The following MRAS variants were observed in gnomAD, a reference collection of about 807,000 sequenced individuals.
MRAS encodes the protein ras-related protein M-Ras.
MRAS carries 4 observed loss-of-function variants against 20.9 expected under a neutral mutation model. That is an observed-to-expected ratio of 0.19 (90% CI 0.09 to 0.44). The LOEUF (loss-of-function observed/expected upper bound fraction) is 0.44, where lower values mean the gene tolerates loss of function less well. MRAS is among the 20% of genes least tolerant of loss of function. The pLI is 0.99. For missense variants in MRAS, 154 were observed against 277.5 expected, an observed-to-expected ratio of 0.56 and a Z score of 3.16; for synonymous variants, 98 against 102.9, an observed-to-expected ratio of 0.95 and a Z score of 0.29.
chr3:138,350,599 T>G (rs763512417), intron 1 of MRAS, among the ~76,000 whole-genome samples: 2 of 152,204 alleles, frequency 1.3e-5, no homozygotes, highest in Non-Finnish European at 2.9e-5. Flanking sequence ...TCCAGCGTTG[T>G]CAGCTTCGCT....
chr3:138,370,699 G>A (rs1288231659), intron 1 of MRAS, among the ~76,000 whole-genome samples: 1 of 152,176 alleles, frequency 6.6e-6, no homozygotes, highest in African/African-American at 2.4e-5. Flanking sequence ...ACATTTTCAG[G>A]TGGCTTGAAC....
chr3:138,375,940 A>T (rs752502316), intron 2 of MRAS, among the ~76,000 whole-genome samples: 2 of 152,136 alleles, frequency 1.3e-5, no homozygotes, highest in Non-Finnish European at 2.9e-5. Flanking sequence ...GTGAGCCGAG[A>T]CTGCGCCACC....
intron 2 of MRAS, among the ~76,000 whole-genome samples, chr3:138,380,511 G>T (rs944884349): frequency 5.8e-5 from 8 of 136,836 alleles, no homozygotes; most frequent in South Asian, 2.3e-4. Flanking sequence ...TGGGGTTTCC[G>T]TGTTGGCCAG....
chr3:138,393,593 T>C (rs972074725), intron 2 of MRAS, among the ~76,000 whole-genome samples: 2 of 152,216 alleles, frequency 1.3e-5, no homozygotes, highest in African/African-American at 4.8e-5. Flanking sequence ...AATGATCATA[T>C]TTTAAAATAT....
intron 1 of MRAS, among the ~76,000 whole-genome samples, chr3:138,358,164 A>G (rs1308111996): frequency 1.3e-5 from 2 of 152,056 alleles, no homozygotes; most frequent in African/African-American, 2.4e-5. Context: ...GTGAAACCCC[A>G]TCTCTACTAA....
At chr3:138,375,164 G>C (rs1221293691) in intron 2 of MRAS, among the ~76,000 whole-genome samples, 2 of 152,160 alleles carry the variant, frequency 1.3e-5, no homozygotes, top group African/African-American at 4.8e-5. Context: ...TGGGATTACA[G>C]GTGTGAGCCA....
At chr3:138,352,719 G>A (rs1263471906) in intron 1 of MRAS, among the ~76,000 whole-genome samples, 2 of 152,026 alleles carry the variant, frequency 1.3e-5, no homozygotes, top group African/African-American at 2.4e-5. Flanking sequence ...TTACATATGG[G>A]TTGTAGTGCT....
At chr3:138,374,052 G>T (rs575749948) in intron 2 of MRAS, among the ~76,000 whole-genome samples, 2 of 151,982 alleles carry the variant, frequency 1.3e-5, no homozygotes, top group South Asian at 4.2e-4. Context: ...TCCGCCTCTC[G>T]GGTTCAAGCA....
At chr3:138,387,799 C>T (rs75763088) in intron 2 of MRAS, among the ~76,000 whole-genome samples, 5,062 of 152,240 alleles carry the variant, frequency 0.033, 264 homozygotes, top group African/African-American at 0.11. Flanking sequence ...GAACCATAGA[C>T]CATATCCCCA....
chr3:138,354,141 AAG>A (rs1386419202), intron 1 of MRAS, among the ~76,000 whole-genome samples: 2 of 152,222 alleles, frequency 1.3e-5, no homozygotes, highest in African/African-American at 2.4e-5. Flanking sequence ...CTGGCTGGCA[AAG>A]AGAGGCAGCG....
intron 1 of MRAS, among the ~76,000 whole-genome samples, chr3:138,364,343 CT>C (rs1439977435): frequency 6.6e-6 from 1 of 152,220 alleles, no homozygotes; most frequent in Non-Finnish European, 1.5e-5. Flanking sequence ...ATGGTAACAA[CT>C]TGATTTTTGT....
intron 2 of MRAS, among the ~76,000 whole-genome samples, chr3:138,378,155 AG>A (rs1170311933): frequency 6.6e-6 from 1 of 152,216 alleles, no homozygotes; most frequent in Non-Finnish European, 1.5e-5. Flanking sequence ...CTCCTCACCC[AG>A]GGTCCTTCAG....
At chr3:138,361,262 G>A (rs1482819491) in intron 1 of MRAS, among the ~76,000 whole-genome samples, 3 of 152,212 alleles carry the variant, frequency 2.0e-5, no homozygotes, top group Non-Finnish European at 2.9e-5. Flanking sequence ...CCATGCGAGG[G>A]GAAGGGGGCA....
chr3:138,384,272 G>A (rs1225843065), intron 2 of MRAS, among the ~76,000 whole-genome samples: 3 of 152,178 alleles, frequency 2.0e-5, no homozygotes, highest in Non-Finnish European at 4.4e-5. Flanking sequence ...CTGGCCTGGC[G>A]AGTGAGAAGA....
At chr3:138,393,585 T>C (rs2055172975) in intron 2 of MRAS, among the ~76,000 whole-genome samples, 1 of 152,220 alleles carries the variant, frequency 6.6e-6, no homozygotes, top group Non-Finnish European at 1.5e-5. Flanking sequence ...TTAATTTGAA[T>C]GATCATATTT....
Position 138,402,151 on chromosome 3 carries a change from T to C in MRAS, c.528-19T>C. 1 of 1,611,444 alleles carries C rather than the reference T, an allele frequency of 6.2e-7. No homozygotes were observed. Among genetic ancestry groups the C allele is most frequent in the Non-Finnish European group, 8.5e-7 (1 of 1,177,692 alleles). On this transcript the variant is annotated intron_variant, in intron 5 of 5. Coordinates refer to ENST00000423968, the MANE Select transcript of MRAS (RefSeq NM_001085049.3). Reference sequence around the variant, plus strand: ...AGCCCATTCTGACTTTGTCTTTCTGTCCTTCATTGTTTCAAAAGGCAACAG... The same window carrying C: ...AGCCCATTCTGACTTTGTCTTTCTGCCCTTCATTGTTTCAAAAGGCAACAG...
intron 2 of MRAS, among the ~76,000 whole-genome samples, chr3:138,379,175 C>A (rs114168401): frequency 6.6e-6 from 1 of 152,018 alleles, no homozygotes; most frequent in African/African-American, 2.4e-5. Context: ...CTTCATCCCC[C>A]CACCCACACA....
chr3:138,399,764 C>G (rs1201261054), intron 4 of MRAS, among the ~76,000 whole-genome samples: 1 of 152,202 alleles, frequency 6.6e-6, no homozygotes, highest in Non-Finnish European at 1.5e-5. Flanking sequence ...ATGAACACTT[C>G]CTGCCTTGGT....
chr3:138,369,359 G>A (rs1431992306), intron 1 of MRAS, among the ~76,000 whole-genome samples: 1 of 152,194 alleles, frequency 6.6e-6, no homozygotes, highest in Non-Finnish European at 1.5e-5. Flanking sequence ...GCAGTGCCTG[G>A]TGCTGACCCA....
Sources: gnomAD v4.1 joint callset for allele counts (sites outside exome capture counted in the v4.1 genomes callset) on GRCh38, gnomAD v4.1.1 for gene constraint, MANE v1.5 for transcripts, NCBI Gene and HGNC (gene_info 2026-07-23, HGNC 2026-07-21) for gene names.